The following DLGAP2 variants were observed in gnomAD, a reference collection of about 807,000 sequenced individuals.
The protein encoded by DLGAP2 is DLG associated protein 2.
In DLGAP2, 26 loss-of-function variants were observed where a neutral mutation model predicts 100.3. That is an observed-to-expected ratio of 0.26 (90% CI 0.19 to 0.36). The LOEUF (loss-of-function observed/expected upper bound fraction) is 0.36, where lower values mean the gene tolerates loss of function less well. DLGAP2 is among the 10% of genes least tolerant of loss of function. The pLI is 1.00. For synonymous variants in DLGAP2, 886 were observed against 630.1 expected, an observed-to-expected ratio of 1.41 and a Z score of -6.08; for missense variants, 1,858 against 1,453.2, an observed-to-expected ratio of 1.28 and a Z score of -4.53.
At chr8:836,616 T>G (rs1188397014) in intron 1 of DLGAP2, among the ~76,000 whole-genome samples, 1 of 152,098 alleles carries the variant, frequency 6.6e-6, no homozygotes, top group South Asian at 2.1e-4. Flanking sequence ...ACGCGGCCTG[T>G]GGGCAGGGGG....
chr8:1,416,545 C>G (rs1796889606), intron 3 of DLGAP2, among the ~76,000 whole-genome samples: 2 of 152,180 alleles, frequency 1.3e-5, no homozygotes, highest in African/African-American at 4.8e-5. Context: ...CACCCGAGGC[C>G]TGAACCAGAA....
chr8:1,529,514 G>A (rs1047265516), intron 4 of DLGAP2, among the ~76,000 whole-genome samples: 1 of 152,164 alleles, frequency 6.6e-6, no homozygotes. Flanking sequence ...CATATGCTGA[G>A]AAAAATTCAT....
intron 3 of DLGAP2, among the ~76,000 whole-genome samples, chr8:1,303,109 A>AG (rs1328415115): frequency 6.6e-6 from 1 of 152,160 alleles, no homozygotes; most frequent in African/African-American, 2.4e-5. Flanking sequence ...AATAAAAAGG[A>AG]GGAAGGGGTG....
intron 9 of DLGAP2, 84 bp from the exon 10 acceptor site, chr8:1,669,659 C>T (rs1206476224): frequency 1.3e-6 from 1 of 775,458 alleles, no homozygotes; most frequent in Non-Finnish European, 2.4e-6. Context: ...GCTAGGCATG[C>T]GGGCGGAGAG....
chr8:900,179 A>C (rs1170525168), intron 1 of DLGAP2, among the ~76,000 whole-genome samples: 10 of 130,788 alleles, frequency 7.6e-5, no homozygotes, highest in African/African-American at 2.9e-4. Context: ...CCGGGCAGAC[A>C]GTGGGTGCCC....
chr8:1,590,844 CA>C (rs958030987), intron 6 of DLGAP2, among the ~76,000 whole-genome samples: 30 of 152,294 alleles, frequency 2.0e-4, no homozygotes, highest in African/African-American at 7.2e-4. Flanking sequence ...CCCTGAGCCC[CA>C]CCCCTGGCAG....
intron 2 of DLGAP2, among the ~76,000 whole-genome samples, chr8:1,036,584 C>T (rs990288236): frequency 1.3e-5 from 2 of 152,108 alleles, no homozygotes; most frequent in South Asian, 4.2e-4. Flanking sequence ...GAATGGGCCT[C>T]ATGGGGCCTG....
At chr8:1,262,737 C>G (rs546589976) in intron 3 of DLGAP2, among the ~76,000 whole-genome samples, 1 of 152,222 alleles carries the variant, frequency 6.6e-6, no homozygotes, top group Non-Finnish European at 1.5e-5. Flanking sequence ...AGCAAAAATC[C>G]GTGTGCGATA....
intron 3 of DLGAP2, among the ~76,000 whole-genome samples, chr8:1,465,225 C>T (rs1798591753): frequency 6.6e-6 from 1 of 152,386 alleles, no homozygotes. Context: ...CTGCAAGCCC[C>T]CCACACGTGG....
chr8:1,476,403 C>T (rs1034192077), intron 3 of DLGAP2, among the ~76,000 whole-genome samples: 3 of 150,998 alleles, frequency 2.0e-5, no homozygotes, highest in African/African-American at 5.0e-5. Flanking sequence ...CTGTGACTTC[C>T]TTTCTTCCCC....
chr8:1,415,604 C>T (rs538230933), intron 3 of DLGAP2, among the ~76,000 whole-genome samples: 13 of 152,174 alleles, frequency 8.5e-5, no homozygotes, highest in Non-Finnish European at 1.9e-4. Context: ...GGGACTAAGG[C>T]CCCCACCTGC....
chr8:1,242,843 G>A (rs979162581), intron 2 of DLGAP2, among the ~76,000 whole-genome samples: 2 of 151,906 alleles, frequency 1.3e-5, no homozygotes, highest in South Asian at 4.1e-4. Flanking sequence ...TAGATGGGTG[G>A]ACGGACGGGC....
chr8:925,508 G>A (rs899800054), intron 2 of DLGAP2, among the ~76,000 whole-genome samples: 3 of 152,154 alleles, frequency 2.0e-5, no homozygotes, highest in Admixed American at 6.5e-5. Context: ...GACTTGGGGG[G>A]CAGCCTTGTG....
rs1017703897 is a variant in DLGAP2, at chr8:1,701,517, T to G, written c.*111T>G. 3.4e-6 allele frequency: 4 copies of G among 1,171,868 alleles called. No individual in the cohort carries two copies. Among genetic ancestry groups the G allele is most frequent in the Non-Finnish European group, 4.7e-6 (4 of 856,778 alleles). 72.6% of individuals were successfully genotyped at this position (1,171,868 alleles called of 1,614,324 possible). On this transcript the variant is annotated 3_prime_UTR_variant, in exon 15 of 15. Transcript: ENST00000637795. ...CTCCTCCCGCTGAACACGTCCTCGCTCCCGCGCTCCCCGCGCCCCGGACAC... is the reference window on the plus strand; with the variant it reads ...CTCCTCCCGCTGAACACGTCCTCGCGCCCGCGCTCCCCGCGCCCCGGACAC...
intron 11 of DLGAP2, 117 bp downstream of exon 11, chr8:1,676,735 G>A (rs750156612): frequency 4.2e-5 from 42 of 992,594 alleles, no homozygotes; most frequent in Non-Finnish European, 5.9e-5. Flanking sequence ...GTGGAAACAG[G>A]GCCATACGTT....
chr8:1,220,573 TCTG>T (rs1798296452), intron 2 of DLGAP2, among the ~76,000 whole-genome samples: 1 of 152,150 alleles, frequency 6.6e-6, no homozygotes, highest in Admixed American at 6.5e-5. Context: ...GACTATATAT[TCTG>T]TTGTTGTTGG....
At chr8:1,143,408 C>G (rs1427645953) in intron 2 of DLGAP2, among the ~76,000 whole-genome samples, 9 of 152,194 alleles carry the variant, frequency 5.9e-5, no homozygotes. Flanking sequence ...ATATCTCTAT[C>G]AAACTTTCAG....
intron 2 of DLGAP2, among the ~76,000 whole-genome samples, chr8:946,956 G>C (rs770863118): frequency 1.3e-5 from 2 of 152,174 alleles, no homozygotes; most frequent in Non-Finnish European, 2.9e-5. Flanking sequence ...CGCACCGGGC[G>C]AGGGCTCTGG....
intron 3 of DLGAP2, among the ~76,000 whole-genome samples, chr8:1,464,698 C>T (rs998751279): frequency 3.9e-5 from 6 of 152,236 alleles, no homozygotes; most frequent in African/African-American, 1.4e-4. Context: ...ACACGTCCCT[C>T]ACCTTTCATT....
Sources: gnomAD v4.1 joint callset for allele counts (sites outside exome capture counted in the v4.1 genomes callset) on GRCh38, gnomAD v4.1.1 for gene constraint, MANE v1.5 for transcripts, NCBI Gene and HGNC (gene_info 2026-07-23, HGNC 2026-07-21) for gene names.